Variants in RAB2A observed in about 807,000 individuals in gnomAD.
RAB2A encodes RAB2A, member RAS oncogene family.
RAB2A carries 7 observed loss-of-function variants against 32.5 expected under a neutral mutation model. That is an observed-to-expected ratio of 0.22 (90% CI 0.12 to 0.40). The LOEUF (loss-of-function observed/expected upper bound fraction) is 0.40. Among genes scored for constraint, RAB2A ranks in the 10% least tolerant of loss-of-function variants. The pLI, the probability that RAB2A is intolerant of heterozygous loss-of-function variation, is 1.00. For missense variants in RAB2A, 108 were observed against 260.7 expected (o/e 0.41, Z 4.03); for synonymous variants, 79 against 85.2 (o/e 0.93, Z 0.40).
chr8:60,572,670 A>C (rs1056803412), intron 3 of RAB2A, among the ~76,000 whole-genome samples: 1 of 152,196 alleles, frequency 6.6e-6, no homozygotes, highest in Non-Finnish European at 1.5e-5. Flanking sequence ...TCTTAGATGC[A>C]TAAAAGTGAA....
intron 2 of RAB2A, 127 bp from the exon 3 acceptor site, chr8:60,571,918 AT>A: frequency 1.8e-6 from 1 of 547,964 alleles, no homozygotes; most frequent in Non-Finnish European, 3.2e-6. Flanking sequence ...TAGGAACTGC[AT>A]TTGTTAAAGT....
chr8:60,554,227 T>A (rs1807900868), intron 1 of RAB2A, among the ~76,000 whole-genome samples: 1 of 152,184 alleles, frequency 6.6e-6, no homozygotes, highest in African/African-American at 2.4e-5. Flanking sequence ...ATCTGGTTCT[T>A]AGTGAGAACC....
intron 6 of RAB2A, among the ~76,000 whole-genome samples, chr8:60,610,831 T>C (rs1043306601): frequency 2.0e-5 from 3 of 152,242 alleles, no homozygotes; most frequent in Non-Finnish European, 4.4e-5. Context: ...CACATTTATC[T>C]GTAGCTTATA....
intron 6 of RAB2A, among the ~76,000 whole-genome samples, chr8:60,604,642 C>T (rs992969508): frequency 1.1e-4 from 16 of 152,264 alleles, no homozygotes; most frequent in South Asian, 2.1e-4. Context: ...AAGCTGGCTG[C>T]GTTGTGCCCC....
At chr8:60,582,315 T>C (rs1450063646) in intron 3 of RAB2A, among the ~76,000 whole-genome samples, 1 of 152,208 alleles carries the variant, frequency 6.6e-6, no homozygotes, top group Non-Finnish European at 1.5e-5. Context: ...TCTCACTGTC[T>C]AATTTAGCAT....
intron 1 of RAB2A, among the ~76,000 whole-genome samples, chr8:60,530,486 T>C (rs931856731): frequency 2.6e-5 from 4 of 151,944 alleles, no homozygotes; most frequent in Non-Finnish European, 5.9e-5. Context: ...AAATGGGTCT[T>C]GCCATGTTTC....
At chr8:60,580,380 A>T (rs1803723975) in intron 3 of RAB2A, among the ~76,000 whole-genome samples, 2 of 152,174 alleles carry the variant, frequency 1.3e-5, no homozygotes, top group Non-Finnish European at 2.9e-5. Context: ...GTTAGTTGTT[A>T]TATAACAGTT....
At chr8:60,528,240 ACTATGGG>A (rs1208621058) in intron 1 of RAB2A, among the ~76,000 whole-genome samples, 1 of 152,244 alleles carries the variant, frequency 6.6e-6, no homozygotes, top group Non-Finnish European at 1.5e-5. Context: ...CAGCCATGTG[ACTATGGG>A]CAACCCATTT....
intron 3 of RAB2A, among the ~76,000 whole-genome samples, chr8:60,578,401 T>C (rs1190276691): frequency 1.3e-5 from 2 of 152,192 alleles, no homozygotes; most frequent in Admixed American, 6.5e-5. Context: ...TTCCCAGCTT[T>C]GTGAAAGAAT....
At chr8:60,562,764 A>AT (rs1808043454) in intron 2 of RAB2A, among the ~76,000 whole-genome samples, 1 of 152,148 alleles carries the variant, frequency 6.6e-6, no homozygotes, top group Admixed American at 6.5e-5. Context: ...ACTGAAAACC[A>AT]TTTTTTAAAG....
Position 60,620,813 on chromosome 8 carries a change from A to T in RAB2A, c.*44A>T, listed in dbSNP as rs1295287395. Reference sequence around the variant, plus strand: ...GCTGCCCAACGGGGCCTACTCACTTATTCTTTCACCCCCTCTCCTCCTGCT... The same window carrying T: ...GCTGCCCAACGGGGCCTACTCACTTTTTCTTTCACCCCCTCTCCTCCTGCT... On this transcript the variant is annotated 3_prime_UTR_variant, in exon 8 of 8. Coordinates refer to ENST00000262646, the MANE Select transcript of RAB2A (RefSeq NM_002865.3). 6.6e-7 allele frequency: 1 copy of T among 1,519,028 alleles called. No individual in the cohort carries two copies. The highest frequency in any genetic ancestry group is 1.4e-5 in the African/African-American group (1 of 71,622). 94.1% of individuals were successfully genotyped at this position (1,519,028 alleles called of 1,614,324 possible).
chr8:60,550,980 T>C (rs1005065741), intron 1 of RAB2A, among the ~76,000 whole-genome samples: 2 of 152,162 alleles, frequency 1.3e-5, no homozygotes, highest in Non-Finnish European at 2.9e-5. Flanking sequence ...CTTAACTGTT[T>C]CCTTGGTGTG....
intron 1 of RAB2A, among the ~76,000 whole-genome samples, chr8:60,522,168 T>G (rs781229706): frequency 2.0e-5 from 3 of 152,112 alleles, no homozygotes; most frequent in Non-Finnish European, 2.9e-5. Context: ...ACCTGGGCAG[T>G]ACAGTGTCAT....
At chr8:60,531,906 G>A (rs1341107528) in intron 1 of RAB2A, among the ~76,000 whole-genome samples, 4 of 151,160 alleles carry the variant, frequency 2.6e-5, no homozygotes, top group Admixed American at 6.6e-5. Context: ...GGGTTCAAGC[G>A]ATTCTCCTGC....
At chr8:60,517,374 C>G in intron 1 of RAB2A, 121 bp downstream of exon 1, 1 of 965,606 alleles carries the variant, frequency 1.0e-6, no homozygotes, top group Non-Finnish European at 1.4e-6. Flanking sequence ...CCTGGCCGCG[C>G]CGCTCCATTT....
At chr8:60,571,739 C>G (rs1808200020) in intron 2 of RAB2A, among the ~76,000 whole-genome samples, 1 of 151,880 alleles carries the variant, frequency 6.6e-6, no homozygotes, top group Non-Finnish European at 1.5e-5. Context: ...ATAATTATGG[C>G]TCTTGGATCT....
At chr8:60,604,001 G>A (rs958057180) in intron 6 of RAB2A, among the ~76,000 whole-genome samples, 4 of 152,204 alleles carry the variant, frequency 2.6e-5, no homozygotes, top group Non-Finnish European at 5.9e-5. Flanking sequence ...AATCCCCATT[G>A]TTGGAGGTGG....
chr8:60,544,909 G>GT (rs1468587393), intron 1 of RAB2A, among the ~76,000 whole-genome samples: 3 of 151,610 alleles, frequency 2.0e-5, no homozygotes, highest in Non-Finnish European at 2.9e-5. Context: ...AAAATGGCTA[G>GT]TTTTTTTGTA....
intron 1 of RAB2A, among the ~76,000 whole-genome samples, chr8:60,548,693 T>C (rs1807788088): frequency 7.6e-6 from 1 of 131,536 alleles, no homozygotes; most frequent in Non-Finnish European, 1.6e-5. Flanking sequence ...GCAGAGGGGC[T>C]CCTCACTTCC....
Sources: allele counts gnomAD v4.1 joint callset (sites outside exome capture counted in the v4.1 genomes callset), GRCh38; gene constraint gnomAD v4.1.1; transcripts MANE v1.5; gene names NCBI Gene and HGNC (gene_info 2026-07-23, HGNC 2026-07-21).